The following FRMD4A variants were observed in gnomAD, a reference collection of about 807,000 sequenced individuals.
FRMD4A encodes FERM domain containing 4A.
Under a neutral mutation model 129.1 loss-of-function variants are expected in FRMD4A, and 29 were observed. The ratio of observed to expected loss-of-function variants is 0.22; its 90% CI spans 0.17 to 0.31. The LOEUF is 0.31. Among genes scored for constraint, FRMD4A ranks in the 10% least tolerant of loss-of-function variants. FRMD4A has a pLI of 1.00. For synonymous variants in FRMD4A, 634 were observed against 571.6 expected, an observed-to-expected ratio of 1.11 and a Z score of -1.56; for missense variants, 1,272 against 1,375.8, an observed-to-expected ratio of 0.92 and a Z score of 1.19.
chr10:13,900,944 G>A (rs2094813079), intron 2 of FRMD4A, among the ~76,000 whole-genome samples: 1 of 152,126 alleles, frequency 6.6e-6, no homozygotes, highest in Non-Finnish European at 1.5e-5. Flanking sequence ...AACTTAGTTG[G>A]CATTTACCAA....
At chr10:14,220,668 G>A (rs982965482) in intron 2 of FRMD4A, among the ~76,000 whole-genome samples, 6 of 152,222 alleles carry the variant, frequency 3.9e-5, no homozygotes, top group Non-Finnish European at 8.8e-5. Flanking sequence ...CAGTGCAGCA[G>A]TGGGAGTGTC....
chr10:14,167,104 G>C (rs947215048), intron 2 of FRMD4A, among the ~76,000 whole-genome samples: 1 of 151,952 alleles, frequency 6.6e-6, no homozygotes, highest in Admixed American at 6.6e-5. Context: ...AGAATGTTCC[G>C]AGCTCAAAAA....
chr10:14,290,743 A>G (rs12263916), intron 2 of FRMD4A, among the ~76,000 whole-genome samples: 1,908 of 152,198 alleles, frequency 0.013, 23 homozygotes, highest in East Asian at 0.039. Context: ...GGATGACTAC[A>G]AACTAAAAAG....
intron 12 of FRMD4A, among the ~76,000 whole-genome samples, chr10:13,717,545 T>G (rs1386581443): frequency 2.6e-5 from 4 of 151,888 alleles, no homozygotes; most frequent in African/African-American, 9.7e-5. Flanking sequence ...AACTCCTGAC[T>G]TCAAGTGATC....
intron 6 of FRMD4A, among the ~76,000 whole-genome samples, chr10:13,779,442 G>C (rs1453595164): frequency 6.6e-6 from 1 of 152,148 alleles, no homozygotes; most frequent in African/African-American, 2.4e-5. Context: ...TCTCTGGTTT[G>C]TCCATCTGGA....
At chr10:13,743,658 C>T (rs1054536449) in intron 9 of FRMD4A, among the ~76,000 whole-genome samples, 10 of 152,014 alleles carry the variant, frequency 6.6e-5, no homozygotes, top group Admixed American at 4.6e-4. Context: ...AAATCTTTGC[C>T]GCCCCCTGTT....
chr10:13,860,514 G>C (rs1260354408), intron 2 of FRMD4A, among the ~76,000 whole-genome samples: 1 of 152,138 alleles, frequency 6.6e-6, no homozygotes, highest in Admixed American at 6.5e-5. Context: ...AAATCCTTTA[G>C]AGAACTCAAT....
intron 2 of FRMD4A, among the ~76,000 whole-genome samples, chr10:14,129,652 T>C (rs1381708634): frequency 2.0e-5 from 3 of 151,946 alleles, no homozygotes; most frequent in Non-Finnish European, 4.4e-5. Context: ...TGCCTGTCAG[T>C]GGAGTCTTGC....
intron 2 of FRMD4A, among the ~76,000 whole-genome samples, chr10:13,904,867 C>A (rs1482030300): frequency 6.6e-6 from 1 of 151,938 alleles, no homozygotes; most frequent in Non-Finnish European, 1.5e-5. Context: ...GTGGTGGATG[C>A]CTGCAATCCC....
At chr10:13,843,642 C>T (rs933963771) in intron 3 of FRMD4A, among the ~76,000 whole-genome samples, 2 of 152,218 alleles carry the variant, frequency 1.3e-5, no homozygotes, top group East Asian at 1.9e-4. Context: ...GAATTAGAGG[C>T]GGCCACCACC....
At chr10:14,128,520 G>A (rs1218869843) in intron 2 of FRMD4A, among the ~76,000 whole-genome samples, 3 of 152,124 alleles carry the variant, frequency 2.0e-5, no homozygotes, top group South Asian at 2.1e-4. Context: ...AGTCCTGGGC[G>A]CTCAAATCTG....
rs1323802482 is a variant in FRMD4A at position 14,302,853 on chromosome 10, G to A, written c.45+27205C>T. Among the ~76,000 whole-genome samples the A allele has an allele frequency of 2.6e-5, 4 of 152,192 alleles. No homozygotes were observed. The East Asian group carries it at 7.7e-4, about 29-fold the overall frequency. ...ACATTGTCCACAGGGACAGAACTTG[G>A]TTAGGACTAAGCCCTATATCAAGGC... On this transcript the variant is annotated intron_variant, in intron 2 of 24. Coordinates refer to ENST00000357447, the MANE Select transcript of FRMD4A (RefSeq NM_018027.5).
intron 2 of FRMD4A, among the ~76,000 whole-genome samples, chr10:13,961,357 G>A (rs769207018): frequency 3.9e-5 from 6 of 152,326 alleles, no homozygotes; most frequent in Non-Finnish European, 8.8e-5. Context: ...TCCATCTGAG[G>A]CTGGGCGGTG....
chr10:13,811,703 A>G (rs532616480), intron 3 of FRMD4A, among the ~76,000 whole-genome samples: 61 of 152,214 alleles, frequency 4.0e-4, no homozygotes, highest in African/African-American at 1.4e-3. Context: ...ACCACAGAAC[A>G]CCAGGCACTG....
At chr10:14,105,772 G>A (rs927184568) in intron 2 of FRMD4A, among the ~76,000 whole-genome samples, 4 of 151,870 alleles carry the variant, frequency 2.6e-5, no homozygotes, top group Non-Finnish European at 5.9e-5. Context: ...CTTTTTTCTT[G>A]CAAATCTTTT....
At chr10:14,261,525 C>T (rs1218333) in intron 2 of FRMD4A, among the ~76,000 whole-genome samples, 1 of 151,934 alleles carries the variant, frequency 6.6e-6, no homozygotes, top group Non-Finnish European at 1.5e-5. Flanking sequence ...TGAAACAGCT[C>T]TCAGAGAAGC....
At chr10:13,702,894 G>A (rs1367156058) in intron 13 of FRMD4A, among the ~76,000 whole-genome samples, 1 of 129,710 alleles carries the variant, frequency 7.7e-6, no homozygotes, top group African/African-American at 2.9e-5. Context: ...TTCTCCCTTC[G>A]GTTCCAACAA....
intron 2 of FRMD4A, among the ~76,000 whole-genome samples, chr10:13,979,996 A>G (rs900986882): frequency 6.6e-6 from 1 of 152,200 alleles, no homozygotes; most frequent in Non-Finnish European, 1.5e-5. Context: ...AAAGAAAACA[A>G]CACTCACCAC....
chr10:14,127,992 C>T (rs1564319521), intron 2 of FRMD4A, among the ~76,000 whole-genome samples: 7 of 123,324 alleles, frequency 5.7e-5, no homozygotes, highest in African/African-American at 2.2e-4. Flanking sequence ...CTCTCTCTCT[C>T]TCTCTCTCTT....
Sources: gnomAD v4.1 joint callset for allele counts (sites outside exome capture counted in the v4.1 genomes callset) on GRCh38, gnomAD v4.1.1 for gene constraint, MANE v1.5 for transcripts, NCBI Gene and HGNC (gene_info 2026-07-23, HGNC 2026-07-21) for gene names.